IL1RL1: variants seen among roughly 807,000 people sequenced by gnomAD.
IL1RL1 encodes the protein interleukin-1 receptor-like 1.
In IL1RL1, 32 loss-of-function variants were observed where a neutral mutation model predicts 50.9. That is an observed-to-expected ratio of 0.63 (90% CI 0.47 to 0.84). The LOEUF is 0.84. Ranked by LOEUF, IL1RL1 falls within the 40% of genes least tolerant of loss-of-function variation. The probability of loss-of-function intolerance (pLI) is 0.00; values close to 1 mark genes in which losing one functional copy is unlikely to be tolerated. For missense variants in IL1RL1, 773 were observed against 662.9 expected (o/e 1.17, Z -1.82); for synonymous variants, 275 against 236.0 (o/e 1.17, Z -1.51).
At chr2:102,321,886 A>G (rs796248695) in intron 1 of IL1RL1, among the ~76,000 whole-genome samples, 5 of 152,354 alleles carry the variant, frequency 3.3e-5, no homozygotes, top group African/African-American at 1.2e-4. Flanking sequence ...GGTTCGCTAT[A>G]GTTACATTTA....
In IL1RL1 at chr2:102,348,092, G is replaced by GT; in HGVS notation, c.1117+2dup. ...GCTAAACCTTACAAGACTAGGAATG[G>GT]TAAGTGGCAAATACCAAGTTTTTCT... On this transcript the variant is annotated splice_donor_variant, in intron 9 of 10. Transcript: ENST00000233954. LOFTEE classifies it high-confidence loss of function. 1.9e-6 allele frequency: 3 copies of GT among 1,606,894 alleles called. No homozygotes were observed. The highest frequency in any genetic ancestry group is 2.5e-6 in the Non-Finnish European group (3 of 1,177,024).
chr2:102,341,384 T>A (rs1244845294), intron 5 of IL1RL1: 1 of 1,106,260 alleles, frequency 9.0e-7, no homozygotes, highest in Non-Finnish European at 1.1e-6. Context: ...TAAAAATGTG[T>A]TTTCCAAGTT....
intron 8 of IL1RL1, chr2:102,343,775 C>G (rs570864128): frequency 1.9e-5 from 21 of 1,132,364 alleles, no homozygotes; most frequent in African/African-American, 1.7e-4. Flanking sequence ...CTTTTGTGCT[C>G]TTTTATAACT....
At position 102,340,776 on chromosome 2, in the gene IL1RL1, T is replaced by C. The variant is rs771555997; in HGVS notation, c.558T>C (p.Asn186=). ...ATTACACCTGTAAATTTATACACAA[T>C]GAAAATGGAGCCAATTATAGTGTGA... The part of the protein sequence containing the change: ...AGDYTCKFIH[N]ENGANYSVTA... Residue 186 remains asparagine, a synonymous_variant, in exon 5 of 11, where the codon AAT becomes AAC. Transcript: ENST00000233954. 1.9e-6 allele frequency: 3 copies of C among 1,589,696 alleles called. No individual in the cohort carries two copies. In the South Asian group the frequency reaches 3.4e-5, roughly 18 times the overall value.
rs1165298976 is a variant in IL1RL1 at position 102,340,826 on chromosome 2, A to G, written c.608A>G (p.Lys203Arg). 4.5e-6 allele frequency: 7 copies of G among 1,569,782 alleles called. No individual in the cohort carries two copies. In the Admixed American group the frequency reaches 1.3e-4, roughly 29 times the overall value. ...ACGGCGACCAGGTCCTTCACGGTCAAGGGTAAGCTACTGACATTAATGAGA... is the reference window on the plus strand; with the variant it reads ...ACGGCGACCAGGTCCTTCACGGTCAGGGGTAAGCTACTGACATTAATGAGA... ...SVTATRSFTV[K>R]DEQGFSLFPV... The change falls in exon 5 of 11, where the codon AAG becomes AGG. Residue 203 changes from lysine to arginine, a missense_variant and splice_region_variant. Coordinates refer to ENST00000233954, the MANE Select transcript of IL1RL1 (RefSeq NM_016232.5).
intron 1 of IL1RL1, among the ~76,000 whole-genome samples, chr2:102,334,203 A>T (rs1247902655): frequency 6.6e-6 from 1 of 152,178 alleles, no homozygotes; most frequent in Non-Finnish European, 1.5e-5. Flanking sequence ...CCCAGCAACA[A>T]TGTATAAGCA....
intron 5 of IL1RL1, among the ~76,000 whole-genome samples, chr2:102,342,022 T>G (rs891326130): frequency 6.6e-6 from 1 of 151,152 alleles, no homozygotes; most frequent in Non-Finnish European, 1.5e-5. Flanking sequence ...TAAAAGAAAG[T>G]TTTATTTAAG....
At chr2:102,342,956 G>T in intron 6 of IL1RL1, 80 bp from the exon 7 acceptor site, 5 of 1,230,406 alleles carry the variant, frequency 4.1e-6, no homozygotes, top group African/African-American at 1.6e-5. Context: ...GTTCAGTAAG[G>T]TTTTTTTTTT....
At chr2:102,322,459 G>A (rs565095943) in intron 1 of IL1RL1, among the ~76,000 whole-genome samples, 1 of 152,234 alleles carries the variant, frequency 6.6e-6, no homozygotes, top group Admixed American at 6.5e-5. Context: ...TTTTTGAAAA[G>A]GAACCATTTC....
chr2:102,351,478 T>C, intron 10 of IL1RL1, 58 bp from the exon 11 acceptor site: 1 of 1,422,442 alleles, frequency 7.0e-7, no homozygotes, highest in Non-Finnish European at 9.7e-7. Flanking sequence ...ATGTTCAGGA[T>C]GTTTATGTTT....
intron 1 of IL1RL1, among the ~76,000 whole-genome samples, chr2:102,327,818 C>T (rs1677056963): frequency 6.6e-6 from 1 of 152,184 alleles, no homozygotes; most frequent in South Asian, 2.1e-4. Flanking sequence ...GAACTTGAAT[C>T]TCTGAATAGA....
chr2:102,315,844 A>G (rs1676659052), intron 1 of IL1RL1, among the ~76,000 whole-genome samples: 1 of 152,214 alleles, frequency 6.6e-6, no homozygotes, highest in Admixed American at 6.5e-5. Context: ...TTTTGAAACT[A>G]ACACATTCCT....
At chr2:102,350,819 C>T (rs1677906871) in intron 10 of IL1RL1, among the ~76,000 whole-genome samples, 1 of 152,208 alleles carries the variant, frequency 6.6e-6, no homozygotes, top group South Asian at 2.1e-4. Flanking sequence ...CATGCATCTG[C>T]AATCCCTCAG....
chr2:102,351,014 G>C (rs1677914960), intron 10 of IL1RL1, among the ~76,000 whole-genome samples: 1 of 152,144 alleles, frequency 6.6e-6, no homozygotes, highest in South Asian at 2.1e-4. Flanking sequence ...GATTTTTCTA[G>C]TTTGGATCAA....
intron 1 of IL1RL1, among the ~76,000 whole-genome samples, chr2:102,319,477 C>T (rs992540015): frequency 6.6e-6 from 1 of 152,164 alleles, no homozygotes; most frequent in African/African-American, 2.4e-5. Context: ...TTAGCCTTCA[C>T]ACTTAAATAC....
At chr2:102,336,840 TC>T (rs1382128035) in intron 1 of IL1RL1, among the ~76,000 whole-genome samples, 1 of 152,108 alleles carries the variant, frequency 6.6e-6, no homozygotes, top group African/African-American at 2.4e-5. Flanking sequence ...GCATTTCCTC[TC>T]CCCCACCTTT....
intron 1 of IL1RL1, among the ~76,000 whole-genome samples, chr2:102,324,801 G>A (rs1404012872): frequency 6.6e-6 from 1 of 152,220 alleles, no homozygotes; most frequent in African/African-American, 2.4e-5. Context: ...GCGAGGCTGT[G>A]GGAGGCGTGC....
At chr2:102,318,204 GA>G (rs1398616013) in intron 1 of IL1RL1, among the ~76,000 whole-genome samples, 2 of 152,316 alleles carry the variant, frequency 1.3e-5, no homozygotes, top group Non-Finnish European at 2.9e-5. Flanking sequence ...TCAGTGCAAA[GA>G]CTAGTGCAAT....
rs1361826722 is a variant in IL1RL1 at position 102,343,185 on chromosome 2, T to A, written c.824+8T>A. Reference sequence around the variant, plus strand: ...GGAAGGGCAAAATCAAAGGTATTTTTATATTGAAGAGAACCATCCTCTTCC... The same window carrying A: ...GGAAGGGCAAAATCAAAGGTATTTTAATATTGAAGAGAACCATCCTCTTCC... On this transcript the variant is annotated splice_region_variant and intron_variant, in intron 7 of 10. Coordinates refer to ENST00000233954, the MANE Select transcript of IL1RL1 (RefSeq NM_016232.5). 2 of 1,614,000 alleles carry A rather than the reference T, an allele frequency of 1.2e-6. No individual in the cohort carries two copies. The highest frequency in any genetic ancestry group is 1.3e-5 in the African/African-American group (1 of 74,896).
Sources: allele counts gnomAD v4.1 joint callset (sites outside exome capture counted in the v4.1 genomes callset), GRCh38; gene constraint gnomAD v4.1.1; transcripts MANE v1.5; gene names NCBI Gene and HGNC (gene_info 2026-07-23, HGNC 2026-07-21).